Variants in EYS observed in about 807,000 individuals in gnomAD.
EYS encodes protein eyes shut homolog.
Under a neutral mutation model 282.1 loss-of-function variants are expected in EYS, and 250 were observed. The observed-to-expected ratio is 0.89, with a 90% CI of 0.80 to 0.98. EYS has a LOEUF of 0.98. Ranked by LOEUF, EYS falls within the 50% of genes least tolerant of loss-of-function variation. The pLI, the probability that EYS is intolerant of heterozygous loss-of-function variation, is 0.00. For synonymous variants in EYS, 1,355 were observed against 1,282.9 expected (o/e 1.06, Z -1.20); for missense variants, 4,016 against 3,709.0 (o/e 1.08, Z -2.15).
intron 34 of EYS, among the ~76,000 whole-genome samples, chr6:63,997,925 T>C (rs1211195946): frequency 6.6e-6 from 1 of 152,186 alleles, no homozygotes; most frequent in Non-Finnish European, 1.5e-5. Context: ...CTTTACATTT[T>C]TCACTATGAG....
In EYS at chr6:64,842,168, C is replaced by T. The variant is rs188924217; in HGVS notation, c.2993-19346G>A. Among the ~76,000 whole-genome samples, 28 of 151,766 alleles carry T rather than the reference C, an allele frequency of 1.8e-4. No individual in the cohort carries two copies. The East Asian group carries it at 3.5e-3, about 19-fold the overall frequency. On this transcript the variant is annotated intron_variant, in intron 19 of 42. Coordinates refer to ENST00000503581, the MANE Select transcript of EYS (RefSeq NM_001142800.2). Reference sequence around the variant, plus strand: ...GTTTTACAATTAACAGTGAACTACACGAAGATAAATTTGTCAGGAGCGCAG... The same window carrying T: ...GTTTTACAATTAACAGTGAACTACATGAAGATAAATTTGTCAGGAGCGCAG...
chr6:64,382,714 C>T (rs62418114), intron 29 of EYS, among the ~76,000 whole-genome samples: 3,145 of 152,140 alleles, frequency 0.021, 46 homozygotes, highest in Non-Finnish European at 0.031. Context: ...AACAGAGGTC[C>T]GAAGGATGTT....
chr6:64,681,138 G>A (rs1403235096), intron 22 of EYS, among the ~76,000 whole-genome samples: 3 of 152,102 alleles, frequency 2.0e-5, no homozygotes, highest in Non-Finnish European at 4.4e-5. Flanking sequence ...TGGCACAGTA[G>A]TTTATCTCAG....
rs1766370074 is a variant in EYS, at chr6:64,590,510, T to A, written c.5357A>T (p.Glu1786Val). 6.4e-7 allele frequency: 1 copy of A among 1,551,466 alleles called. No homozygotes were observed. Among genetic ancestry groups the A allele is most frequent in the African/African-American group, 1.4e-5 (1 of 73,156 alleles). ...PLTGSVPDFS[E>V]VTTNVAFYTV... ...ATAAAATGCAACATTGGTGGTGACT[T>A]CTGAAAAATCAGGCACTGAGCCTGT... The change falls in exon 26 of 43, where the codon GAA becomes GTA. Residue 1786 changes from glutamate (E) to valine (V), a missense_variant. Transcript: ENST00000503581.
Position 63,721,172 on chromosome 6 carries a change from T to TG in EYS, c.8858dup (p.Phe2954IlefsTer9). ...TACCCATAAATTTTGCAGTTGAAAA[T>TG]GAAGTTTTGTTTTCACAATACCTTC... is the stretch of plus-strand genomic sequence containing the variant. On this transcript the variant is annotated frameshift_variant, in exon 43 of 43. Coordinates refer to ENST00000503581, the MANE Select transcript of EYS (RefSeq NM_001142800.2). LOFTEE classifies it high-confidence loss of function. 6.4e-7 allele frequency: 1 copy of TG among 1,551,618 alleles called. No individual in the cohort carries two copies. The highest frequency in any genetic ancestry group is 8.7e-7 in the Non-Finnish European group (1 of 1,146,888).
Position 65,003,357 on chromosome 6 carries a change from AT to A in EYS, c.2138-5655del, listed in dbSNP as rs1179288935. Among the ~76,000 whole-genome samples the A allele has an allele frequency of 2.0e-5, 3 of 147,124 alleles. 1 individual carries two copies. The highest frequency in any genetic ancestry group is 3.0e-5 in the Non-Finnish European group (2 of 65,736). Reference sequence around the variant, plus strand: ...ATTAGAAAGAGGAAATTCCTGCCTAATAAATTTTGGTCAGACCGGTTGCTCT... The same window carrying A: ...ATTAGAAAGAGGAAATTCCTGCCTAAAAATTTTGGTCAGACCGGTTGCTCT... On this transcript the variant is annotated intron_variant, in intron 13 of 42. Transcript: ENST00000503581.
chr6:63,761,340 A>C (rs558127667), intron 41 of EYS, among the ~76,000 whole-genome samples: 1 of 152,110 alleles, frequency 6.6e-6, no homozygotes, highest in East Asian at 1.9e-4. Flanking sequence ...TATGTAAGCC[A>C]GATACAAAAC....
chr6:65,570,156 G>C (rs960575724), intron 2 of EYS, among the ~76,000 whole-genome samples: 1 of 152,038 alleles, frequency 6.6e-6, no homozygotes, highest in East Asian at 1.9e-4. Context: ...TTTCCTCTAG[G>C]GAAAAAGTAA....
chr6:64,624,674 G>A (rs1420233991), intron 23 of EYS, among the ~76,000 whole-genome samples: 1 of 152,118 alleles, frequency 6.6e-6, no homozygotes, highest in Admixed American at 6.6e-5. Context: ...TCTGAGTGAT[G>A]TTTAACTTCT....
At chr6:64,150,173 C>T (rs2150293577) in intron 31 of EYS, among the ~76,000 whole-genome samples, 1 of 152,296 alleles carries the variant, frequency 6.6e-6, no homozygotes, top group East Asian at 1.9e-4. Flanking sequence ...TACCCTACAC[C>T]TAGTGAGTTA....
chr6:64,424,311 T>C (rs964151046), intron 28 of EYS, among the ~76,000 whole-genome samples: 3 of 152,194 alleles, frequency 2.0e-5, no homozygotes, highest in African/African-American at 7.2e-5. Flanking sequence ...TATTTTAAGA[T>C]ATTTGAGAAA....
intron 22 of EYS, among the ~76,000 whole-genome samples, chr6:64,651,377 T>A (rs10944660): frequency 0.64 from 97,361 of 152,142 alleles, 31,390 homozygotes; most frequent in African/African-American, 0.71. Context: ...TTTTTGTTTT[T>A]TTCCAAAGTA....
In EYS at chr6:64,945,905, A is replaced by G. The variant is rs1051101987; in HGVS notation, c.2269T>C (p.Cys757Arg). The change falls in exon 15 of 43, where the codon TGT (cysteine) becomes CGT (arginine). Residue 757 changes from cysteine to arginine, a missense_variant. Cys to Arg is a radical substitution (Grantham distance 180). Transcript: ENST00000503581. ...TCKDLHLSYQCVCLSDWEGNF... is the reference protein window; with the variant it reads ...TCKDLHLSYQRVCLSDWEGNF... ...CCTTCCCAATCAGATAGGCACACAC[A>G]CTGGTAGCTCTAAGAGAATATGAAA... 10 of 1,545,554 alleles carry G rather than the reference A, an allele frequency of 6.5e-6. No homozygotes were observed. Among genetic ancestry groups the G allele is most frequent in the Middle Eastern group, 1.7e-4 (1 of 5,992 alleles).
chr6:63,824,080 TAAAG>T (rs770152418), intron 36 of EYS, among the ~76,000 whole-genome samples: 1 of 152,344 alleles, frequency 6.6e-6, no homozygotes, highest in Admixed American at 6.5e-5. Flanking sequence ...GAGTTGGAAA[TAAAG>T]GAAGATAGCA....
intron 13 of EYS, among the ~76,000 whole-genome samples, chr6:65,012,882 A>T (rs113020075): frequency 0.071 from 10,733 of 151,598 alleles, 445 homozygotes; most frequent in African/African-American, 0.12. Flanking sequence ...CAATAAAAAA[A>T]AATCTATCAA....
At chr6:64,006,535 G>A (rs1435561537) in intron 33 of EYS, among the ~76,000 whole-genome samples, 1 of 152,144 alleles carries the variant, frequency 6.6e-6, no homozygotes, top group African/African-American at 2.4e-5. Flanking sequence ...TTGGATGAAA[G>A]TGGTAAGAGT....
chr6:63,995,922 A>T (rs1321184632), intron 34 of EYS, among the ~76,000 whole-genome samples: 1 of 151,922 alleles, frequency 6.6e-6, no homozygotes, highest in Non-Finnish European at 1.5e-5. Flanking sequence ...TAACATATTT[A>T]AAAACAACTA....
At chr6:64,235,094 T>A (rs1015506930) in intron 30 of EYS, among the ~76,000 whole-genome samples, 15 of 149,040 alleles carry the variant, frequency 1.0e-4, no homozygotes, top group Admixed American at 2.0e-4. Context: ...TTATTTTTTT[T>A]AATTATTATC....
intron 31 of EYS, among the ~76,000 whole-genome samples, chr6:64,169,431 G>GTGTTTTTTTTTTTTTT (rs1764408722): frequency 7.1e-6 from 1 of 140,962 alleles, no homozygotes; most frequent in African/African-American, 2.8e-5. Context: ...TTGAGGAGGA[G>GTGTTTTTTTTTTTTTT]TTTTTTTTTT....
Sources: gnomAD v4.1 joint callset for allele counts (sites outside exome capture counted in the v4.1 genomes callset) on GRCh38, gnomAD v4.1.1 for gene constraint, MANE v1.5 for transcripts, NCBI Gene and HGNC (gene_info 2026-07-23, HGNC 2026-07-21) for gene names.